Variants in UNC13B observed in about 807,000 individuals in gnomAD.
The protein encoded by UNC13B is protein unc-13 homolog B.
UNC13B carries 144 observed loss-of-function variants against 211.0 expected under a neutral mutation model. The ratio of observed to expected loss-of-function variants is 0.68; its 90% CI spans 0.60 to 0.78. The LOEUF (loss-of-function observed/expected upper bound fraction) is 0.78. Ranked by LOEUF, UNC13B falls within the 30% of genes least tolerant of loss-of-function variation. UNC13B has a pLI of 0.00. For synonymous variants in UNC13B, 709 were observed against 725.8 expected (o/e 0.98, Z 0.37); for missense variants, 1,777 against 2,002.0 (o/e 0.89, Z 2.14).
rs190880897 is a variant in UNC13B at position 35,304,387 on chromosome 9, A to T, written c.4983A>T (p.Arg1661Ser). Residue 1661 changes from arginine (R) to serine (S), a missense_variant, in exon 9 of 40, where the codon AGA becomes AGT. Physicochemically the swap from Arg to Ser is moderately radical, Grantham distance 110. Transcript: ENST00000635942. ...YNRQKFKGDF[R>S]SFKERPCGSE... is the part of the protein sequence containing the mutation. Reference sequence around the variant, plus strand: ...GTCAAAAGTTTAAAGGAGACTTTAGATCTTTCAAAGAAAGGCCGTGTGGTT... The same window carrying T: ...GTCAAAAGTTTAAAGGAGACTTTAGTTCTTTCAAAGAAAGGCCGTGTGGTT... The T allele has an allele frequency of 2.0e-5, 8 of 398,720 alleles. No homozygotes were observed. In the East Asian group the frequency reaches 2.9e-4, roughly 14 times the overall value. 24.7% of individuals were successfully genotyped at this position (398,720 alleles called of 1,614,324 possible). A position where few individuals can be genotyped will look rare whatever the true frequency, so the allele number is the denominator to read the frequency against.
At chr9:35,184,217 C>T (rs564853556) in intron 1 of UNC13B, among the ~76,000 whole-genome samples, 2 of 152,112 alleles carry the variant, frequency 1.3e-5, no homozygotes, top group South Asian at 4.1e-4. Flanking sequence ...GCGCTCCTCA[C>T]TTCCCAGACG....
chr9:35,352,604 C>G (rs1223897424), intron 11 of UNC13B: 40 of 1,231,998 alleles, frequency 3.2e-5, no homozygotes, highest in Non-Finnish European at 3.9e-5. Context: ...GATGAAGGCT[C>G]AGGATCAACA....
chr9:35,275,733 C>T (rs1265570280), intron 7 of UNC13B, among the ~76,000 whole-genome samples: 3 of 151,966 alleles, frequency 2.0e-5, no homozygotes, highest in South Asian at 4.2e-4. Flanking sequence ...GCTGGGATTA[C>T]AGGCGCCTGC....
chr9:35,247,400 A>G (rs2131576208), intron 6 of UNC13B, among the ~76,000 whole-genome samples: 1 of 152,166 alleles, frequency 6.6e-6, no homozygotes, highest in Non-Finnish European at 1.5e-5. Flanking sequence ...GTTGAATAGG[A>G]GTGGTGAGAG....
At chr9:35,253,778 G>A (rs991041019) in intron 6 of UNC13B, among the ~76,000 whole-genome samples, 3 of 152,110 alleles carry the variant, frequency 2.0e-5, no homozygotes, top group Non-Finnish European at 4.4e-5. Flanking sequence ...TTCTGGACCT[G>A]TTTCTCTATG....
intron 25 of UNC13B, 65 bp downstream of exon 25, chr9:35,390,038 T>C: frequency 6.3e-7 from 1 of 1,596,666 alleles, no homozygotes; most frequent in South Asian, 1.1e-5. Flanking sequence ...TAACAACCTC[T>C]TTCTTTCCTG....
chr9:35,390,721 A>T lies in UNC13B; in HGVS notation c.11308+7A>T. The T allele has an allele frequency of 6.2e-7, 1 of 1,610,606 alleles. No individual in the cohort carries two copies. Among genetic ancestry groups the T allele is most frequent in the Non-Finnish European group, 8.5e-7 (1 of 1,178,944 alleles). On this transcript the variant is annotated splice_region_variant and intron_variant, in intron 26 of 39. Transcript: ENST00000635942. ...ATGAAATATGCATTGGAGGGTAAGG[A>T]TCTGTTCAAATCAGTGGGCTGCCAG...
At chr9:35,354,553 A>T (rs1025866778) in intron 11 of UNC13B, among the ~76,000 whole-genome samples, 1 of 152,164 alleles carries the variant, frequency 6.6e-6, no homozygotes, top group African/African-American at 2.4e-5. Context: ...TTTTTTGACT[A>T]CAGGAAGTAA....
chr9:35,337,203 A>G (rs977508450), intron 11 of UNC13B, among the ~76,000 whole-genome samples: 2 of 152,182 alleles, frequency 1.3e-5, no homozygotes, highest in African/African-American at 4.8e-5. Context: ...TCAAGGGTAA[A>G]GAGGAGTGAG....
intron 1 of UNC13B, among the ~76,000 whole-genome samples, chr9:35,220,145 CTTTAATT>C (rs1824493966): frequency 6.6e-6 from 1 of 151,372 alleles, no homozygotes; most frequent in African/African-American, 2.4e-5. Flanking sequence ...ATTTTGTATT[CTTTAATT>C]TTTAATTTTG....
chr9:35,167,592 T>TG (rs1269371266), intron 1 of UNC13B, among the ~76,000 whole-genome samples: 2 of 146,080 alleles, frequency 1.4e-5, no homozygotes, highest in African/African-American at 5.1e-5. Flanking sequence ...GTAGGTTTTT[T>TG]TTTTTTTTTT....
intron 30 of UNC13B, 44 bp downstream of exon 30, chr9:35,397,756 C>T (rs1333732449): frequency 3.1e-6 from 5 of 1,598,140 alleles, no homozygotes; most frequent in Non-Finnish European, 4.3e-6. Flanking sequence ...GAGTGGAAGA[C>T]ATTTGAATCC....
intron 11 of UNC13B, among the ~76,000 whole-genome samples, chr9:35,319,616 T>G (rs1830639624): frequency 6.6e-6 from 1 of 151,932 alleles, no homozygotes; most frequent in East Asian, 1.9e-4. Context: ...CCCATATTTA[T>G]GAGTACCCAA....
At chr9:35,295,151 C>T (rs1171083180) in intron 7 of UNC13B, among the ~76,000 whole-genome samples, 1 of 152,154 alleles carries the variant, frequency 6.6e-6, no homozygotes, top group African/African-American at 2.4e-5. Flanking sequence ...GATTTCCAGG[C>T]CTTGGCTTTG....
rs563210422 is a variant in UNC13B at position 35,342,194 on chromosome 9, A to G, written c.9415-24753A>G. The G allele has an allele frequency of 5.8e-5, 57 of 985,602 alleles. No homozygotes were observed. In the African/African-American group the frequency reaches 9.2e-4, roughly 16 times the overall value. The allele number at this position is 985,602 out of a possible 1,614,324, so 61.1% of individuals were successfully genotyped here. On this transcript the variant is annotated intron_variant, in intron 11 of 39. Coordinates refer to ENST00000635942, the MANE Select transcript of UNC13B (RefSeq NM_001371189.2). ...GCAAGCAGTGGTGCTTTGGCTCAGAAAGTTCGTCCTGTGGCTTCTCTGTCA... is the reference window on the plus strand; with the variant it reads ...GCAAGCAGTGGTGCTTTGGCTCAGAGAGTTCGTCCTGTGGCTTCTCTGTCA...
intron 11 of UNC13B, chr9:35,352,737 T>G (rs1832796499): frequency 8.1e-7 from 1 of 1,232,130 alleles, no homozygotes; most frequent in Non-Finnish European, 1.0e-6. Flanking sequence ...ACATCTCAAG[T>G]TATCAGTGGC....
chr9:35,293,826 A>G (rs1829214529), intron 7 of UNC13B, among the ~76,000 whole-genome samples: 1 of 152,210 alleles, frequency 6.6e-6, no homozygotes, highest in African/African-American at 2.4e-5. Context: ...CCAAATGTCA[A>G]GTATTAACTA....
At position 35,273,684 on chromosome 9, in the gene UNC13B, T is replaced by C. The variant is rs963565320; in HGVS notation, c.526+14634T>C. On this transcript the variant is annotated intron_variant, in intron 7 of 39. Coordinates refer to ENST00000635942, the MANE Select transcript of UNC13B (RefSeq NM_001371189.2). ...TTCCTGCCTGCTCTACAAGTGATGA[T>C]GGTATAATCCCCAACTAAAATCAAC... 2.7e-4 allele frequency among the ~76,000 whole-genome samples: 41 copies of C among 152,162 alleles called. 1 individual carries two copies. Among genetic ancestry groups the C allele is most frequent in the Non-Finnish European group, 5.3e-4 (36 of 68,020 alleles).
chr9:35,178,775 C>T (rs1416274522), intron 1 of UNC13B, among the ~76,000 whole-genome samples: 1 of 148,752 alleles, frequency 6.7e-6, no homozygotes, highest in Non-Finnish European at 1.5e-5. Flanking sequence ...GGATTCCCAA[C>T]TACTCTGGAG....
Sources: allele counts gnomAD v4.1 joint callset (sites outside exome capture counted in the v4.1 genomes callset), GRCh38; gene constraint gnomAD v4.1.1; transcripts MANE v1.5; gene names NCBI Gene and HGNC (gene_info 2026-07-23, HGNC 2026-07-21).